NRF1: variants seen among roughly 807,000 people sequenced by gnomAD.
NRF1 encodes alpha palindromic-binding protein.
Under a neutral mutation model 58.5 loss-of-function variants are expected in NRF1, and 5 were observed. The observed-to-expected ratio is 0.09, with a 90% confidence interval of 0.04 to 0.18. The LOEUF (loss-of-function observed/expected upper bound fraction) is 0.18. Among genes scored for constraint, NRF1 ranks in the 10% least tolerant of loss-of-function variants. The pLI, the probability that NRF1 is intolerant of heterozygous loss-of-function variation, is 1.00. For missense variants in NRF1, 288 were observed against 657.7 expected (o/e 0.44, Z 6.15); for synonymous variants, 224 against 246.7 (o/e 0.91, Z 0.86).
chr7:129,681,733 C>G (rs957938726), intron 4 of NRF1, among the ~76,000 whole-genome samples: 2 of 152,086 alleles, frequency 1.3e-5, no homozygotes, highest in African/African-American at 4.8e-5. Context: ...GCCGCCACAC[C>G]CAGCTAAGAT....
At chr7:129,722,857 G>T (rs1474399387) in intron 9 of NRF1, among the ~76,000 whole-genome samples, 1 of 152,130 alleles carries the variant, frequency 6.6e-6, no homozygotes, top group Admixed American at 6.5e-5. Context: ...ATCTTTGATG[G>T]TCATAAAGAT....
chr7:129,669,404 C>A (rs953596669), intron 2 of NRF1, among the ~76,000 whole-genome samples: 7 of 152,120 alleles, frequency 4.6e-5, no homozygotes, highest in Non-Finnish European at 1.0e-4. Context: ...TTAGGGGGAT[C>A]ATATTGATAT....
At chr7:129,690,627 T>G (rs1802544696) in intron 5 of NRF1, 81 bp downstream of exon 5, 1 of 1,471,120 alleles carries the variant, frequency 6.8e-7, no homozygotes, top group Non-Finnish European at 9.4e-7. Context: ...TTCTGCATTT[T>G]GTCCTCAGTG....
intron 1 of NRF1, among the ~76,000 whole-genome samples, chr7:129,625,494 T>G (rs1361546263): frequency 1.3e-5 from 2 of 151,850 alleles, no homozygotes; most frequent in Admixed American, 6.6e-5. Context: ...TATTTATTTA[T>G]TTATTTTTAA....
intron 9 of NRF1, among the ~76,000 whole-genome samples, chr7:129,723,355 A>G (rs1051485861): frequency 6.6e-6 from 1 of 151,994 alleles, no homozygotes; most frequent in Admixed American, 6.6e-5. Context: ...AGGCAGGAGA[A>G]TCGCTTGAAC....
chr7:129,651,550 A>T (rs1801536484), intron 1 of NRF1, among the ~76,000 whole-genome samples: 1 of 152,200 alleles, frequency 6.6e-6, no homozygotes. Context: ...TGTGAACTGC[A>T]TTCTGGAGCA....
intron 1 of NRF1, among the ~76,000 whole-genome samples, chr7:129,639,176 C>T (rs1801234823): frequency 6.6e-6 from 1 of 152,114 alleles, no homozygotes; most frequent in Admixed American, 6.5e-5. Context: ...CCTCCCTTCT[C>T]AGCCTCCCGA....
At chr7:129,682,712 G>T (rs1460059306) in intron 4 of NRF1, among the ~76,000 whole-genome samples, 1 of 151,582 alleles carries the variant, frequency 6.6e-6, no homozygotes, top group Non-Finnish European at 1.5e-5. Flanking sequence ...TGAGGCAGGA[G>T]GATTACTTGA....
intron 10 of NRF1, among the ~76,000 whole-genome samples, chr7:129,748,435 G>A (rs960232054): frequency 1.3e-4 from 20 of 152,166 alleles, no homozygotes; most frequent in African/African-American, 4.8e-4. Context: ...CAGGTGGGCT[G>A]TCCCCTCAGA....
chr7:129,685,792 G>A (rs528526549), intron 4 of NRF1, among the ~76,000 whole-genome samples: 1 of 151,980 alleles, frequency 6.6e-6, no homozygotes, highest in Admixed American at 6.6e-5. Context: ...AATTGAATTG[G>A]GCCTAGAAAA....
intron 1 of NRF1, among the ~76,000 whole-genome samples, chr7:129,641,562 C>T (rs879740798): frequency 3.3e-5 from 5 of 152,202 alleles, no homozygotes; most frequent in African/African-American, 9.6e-5. Context: ...CATTCGCTTT[C>T]TCTGCCTGCT....
At chr7:129,683,304 T>TGA (rs1562969577) in intron 4 of NRF1, among the ~76,000 whole-genome samples, 11 of 141,100 alleles carry the variant, frequency 7.8e-5, no homozygotes, top group African/African-American at 2.5e-4. Flanking sequence ...TGTGTGTGTG[T>TGA]GTGTGTGTGT....
chr7:129,747,408 G>C (rs1804000887), intron 10 of NRF1, among the ~76,000 whole-genome samples: 1 of 152,148 alleles, frequency 6.6e-6, no homozygotes, highest in Non-Finnish European at 1.5e-5. Flanking sequence ...TTCCTGGCAG[G>C]AGAAAATCAC....
intron 3 of NRF1, among the ~76,000 whole-genome samples, chr7:129,675,585 G>A (rs965840042): frequency 6.6e-6 from 1 of 152,238 alleles, no homozygotes; most frequent in South Asian, 2.1e-4. Context: ...CATGAAAACA[G>A]CATTAATCTC....
intron 3 of NRF1, among the ~76,000 whole-genome samples, chr7:129,675,446 A>G (rs1802154314): frequency 6.6e-6 from 1 of 152,188 alleles, no homozygotes; most frequent in South Asian, 2.1e-4. Flanking sequence ...AATTTATTTT[A>G]CCCAGATCCA....
intron 4 of NRF1, among the ~76,000 whole-genome samples, chr7:129,681,695 T>C (rs1403720091): frequency 6.6e-6 from 1 of 152,164 alleles, no homozygotes; most frequent in African/African-American, 2.4e-5. Context: ...CGCCTCAGCC[T>C]CCTGAGTAGC....
intron 10 of NRF1, among the ~76,000 whole-genome samples, chr7:129,745,505 A>AGC (rs1803953764): frequency 3.5e-5 from 2 of 57,266 alleles, no homozygotes; most frequent in Admixed American, 1.8e-4. Flanking sequence ...CATCCCCCTC[A>AGC]ACCCCCCCCC....
chr7:129,613,263 A>AGGGGGGTGCTGGAGTCTT, intron 1 of NRF1, among the ~76,000 whole-genome samples: 1 of 152,106 alleles, frequency 6.6e-6, no homozygotes, highest in African/African-American at 2.4e-5. Flanking sequence ...TAATTGGGAA[A>AGGGGGGTGCTGGAGTCTT]GGGGGGTGCT....
intron 8 of NRF1, among the ~76,000 whole-genome samples, chr7:129,713,706 A>G (rs1803127214): frequency 1.3e-5 from 2 of 152,240 alleles, no homozygotes; most frequent in South Asian, 4.1e-4. Context: ...CAGTGAGATA[A>G]GGGTCTACTG....
Sources: allele counts gnomAD v4.1 joint callset (sites outside exome capture counted in the v4.1 genomes callset), GRCh38; gene constraint gnomAD v4.1.1; transcripts MANE v1.5; gene names NCBI Gene and HGNC (gene_info 2026-07-23, HGNC 2026-07-21).